Variants in KRT14 observed in about 807,000 individuals in gnomAD.
KRT14 encodes the protein keratin, type I cytoskeletal 14.
In KRT14, 30 loss-of-function variants were observed where a neutral mutation model predicts 44.5. That is an observed-to-expected ratio of 0.67 (90% CI 0.50 to 0.92). KRT14 has a LOEUF of 0.92. KRT14 is among the 40% of genes least tolerant of loss of function. The pLI is 0.00. For missense variants in KRT14, 535 were observed against 640.6 expected, an observed-to-expected ratio of 0.84 and a Z score of 1.78; for synonymous variants, 241 against 257.6, an observed-to-expected ratio of 0.94 and a Z score of 0.62.
At chr17:41,582,736 A>G in intron 7 of KRT14, 1 of 628,392 alleles carries the variant, frequency 1.6e-6, no homozygotes, top group South Asian at 1.8e-5. Context: ...GGTCAGAGAC[A>G]GAGTCTTTGC....
chr17:41,585,084 T>A (rs1327685767), intron 1 of KRT14, 27 bp from the exon 2 acceptor site: 1 of 1,565,502 alleles, frequency 6.4e-7, no homozygotes, highest in Non-Finnish European at 8.8e-7. Context: ...GCACAGGTAA[T>A]TTGTCAAATG....
chr17:41,583,222 G>A lies in KRT14; in HGVS notation c.1274+13C>T. Reference sequence around the variant, plus strand: ...CATGGGGGGGGCGGACTAAGGGGAGGGCCAAGACTCACTGGGCGTCCTCGC... The same window carrying A: ...CATGGGGGGGGCGGACTAAGGGGAGAGCCAAGACTCACTGGGCGTCCTCGC... On this transcript the variant is annotated intron_variant, in intron 6 of 7. Coordinates refer to ENST00000167586, the MANE Select transcript of KRT14 (RefSeq NM_000526.5). 1 of 1,613,346 alleles carries A rather than the reference G, an allele frequency of 6.2e-7. No homozygotes were observed. The highest frequency in any genetic ancestry group is 8.5e-7 in the Non-Finnish European group (1 of 1,179,900).
At position 41,583,685 on chromosome 17, in the gene KRT14, AAG is replaced by A. The variant is rs776040325; in HGVS notation, c.928-11_928-10del. 1.1e-5 allele frequency: 18 copies of A among 1,614,102 alleles called. No individual in the cohort carries two copies. In the African/African-American group the frequency reaches 1.3e-4, roughly 12 times the overall value. On this transcript the variant is annotated splice_polypyrimidine_tract_variant and intron_variant, in intron 4 of 7. Transcript: ENST00000167586. ...CGGTTCAGCTCCTCTGTCTGCAAAAAAGAGAATGCCATTCACACCAGAAGGCC... is the reference window on the plus strand; with the variant it reads ...CGGTTCAGCTCCTCTGTCTGCAAAAAAGAATGCCATTCACACCAGAAGGCC...
intron 2 of KRT14, 51 bp downstream of exon 2, chr17:41,584,924 A>G (rs1434164822): frequency 1.4e-6 from 2 of 1,392,182 alleles, no homozygotes; most frequent in Non-Finnish European, 2.0e-6. Context: ...TGCTCCAAAA[A>G]TGCCCTACTC....
chr17:41,583,687 G>T lies in KRT14; in HGVS notation c.928-11C>A, dbSNP rs376925607. On this transcript the variant is annotated splice_polypyrimidine_tract_variant and intron_variant, in intron 4 of 7. Coordinates refer to ENST00000167586, the MANE Select transcript of KRT14 (RefSeq NM_000526.5). Reference sequence around the variant, plus strand: ...GTTCAGCTCCTCTGTCTGCAAAAAAGAGAATGCCATTCACACCAGAAGGCC... The same window carrying T: ...GTTCAGCTCCTCTGTCTGCAAAAAATAGAATGCCATTCACACCAGAAGGCC... The T allele has an allele frequency of 6.2e-6, 10 of 1,614,096 alleles. No homozygotes were observed. The highest frequency in any genetic ancestry group is 1.1e-5 in the South Asian group (1 of 91,088).
Position 41,582,594 on chromosome 17 carries a change from T to A in KRT14, c.1322-62A>T, listed in dbSNP as rs552560747. ...GGACAGACAATGGACTAATCAGGAG[T>A]AAGGAGGCCAAGAAGGTGAGGAAAC... On this transcript the variant is annotated intron_variant, in intron 7 of 7. Coordinates refer to ENST00000167586, the MANE Select transcript of KRT14 (RefSeq NM_000526.5). The A allele has an allele frequency of 5.8e-5, 78 of 1,354,776 alleles. No individual in the cohort carries two copies. The African/African-American group carries it at 1.0e-3, about 18-fold the overall frequency. The allele number at this position is 1,354,776 out of a possible 1,614,324, so 83.9% of individuals were successfully genotyped here.
Position 41,584,403 on chromosome 17 carries a change from CTG to C in KRT14, c.617_618del (p.Thr206ArgfsTer28). ...TCCACACTCATGCGCAGGTTCAACT[CTG>C]TCTCATACCTGGAATGACCCCAGAG... The part of the protein sequence containing the change: ...AADDFRTKYE[T>X]ELNLRMSVEA... On this transcript the variant is annotated frameshift_variant, in exon 3 of 8. Transcript: ENST00000167586. LOFTEE classifies it high-confidence loss of function. 6.2e-7 allele frequency: 1 copy of C among 1,614,102 alleles called. No individual in the cohort carries two copies. The highest frequency in any genetic ancestry group is 8.5e-7 in the Non-Finnish European group (1 of 1,180,036).
intron 1 of KRT14, 69 bp downstream of exon 1, chr17:41,586,241 G>A (rs1347044751): frequency 7.1e-5 from 113 of 1,593,436 alleles, no homozygotes; most frequent in Non-Finnish European, 8.8e-5. Context: ...AGGTCTCAGG[G>A]GCCTGGGGCA....
rs200418325 is a variant in KRT14, at chr17:41,583,617, G to T, written c.987C>A (p.Ser329Arg). 2 of 1,614,190 alleles carry T rather than the reference G, an allele frequency of 1.2e-6. No homozygotes were observed. Among genetic ancestry groups the T allele is most frequent in the South Asian group, 1.1e-5 (1 of 91,086 alleles). The change falls in exon 5 of 8, where the codon AGC becomes AGA. Residue 329 changes from serine (S) to arginine (R), a missense_variant. By Grantham distance (110) the Ser-to-Arg change is moderately radical (BLOSUM62 -1). Coordinates refer to ENST00000167586, the MANE Select transcript of KRT14 (RefSeq NM_000526.5). ...TNSELVQSGK[S>R]EISELRRTMQ... Reference sequence around the variant, plus strand: ...TGGTGCGCCGGAGCTCCGAGATCTCGCTCTTGCCGCTCTGCACCAGCTCGC... The same window carrying T: ...TGGTGCGCCGGAGCTCCGAGATCTCTCTCTTGCCGCTCTGCACCAGCTCGC...
intron 3 of KRT14, 148 bp from the exon 4 acceptor site, chr17:41,584,069 CTTTTTTTTTTTTTT>C (rs61300844): frequency 3.6e-5 from 11 of 304,764 alleles, no homozygotes; most frequent in Admixed American, 1.1e-4. Flanking sequence ...CTCTCTCTCT[CTTTTTTTTTTTTTT>C]TTTTTTTTTT....
In KRT14 at chr17:41,586,711, C is replaced by T. The variant is rs1250998048; in HGVS notation, c.124G>A (p.Ala42Thr). The change falls in exon 1 of 8, where the codon GCC (alanine) becomes ACC (threonine). Residue 42 changes from alanine to threonine, a missense_variant. Coordinates refer to ENST00000167586, the MANE Select transcript of KRT14 (RefSeq NM_000526.5). ...AGGCCGCCCCCGTAGGTGCTGGGGG[C>T]GCGGCAGGACCCTCCGGCCAGGACG... Reference protein sequence around the residue: ...SSVLAGGSCRAPSTYGGGLSV... With the variant: ...SSVLAGGSCRTPSTYGGGLSV... The T allele has an allele frequency of 3.8e-6, 6 of 1,589,148 alleles. No homozygotes were observed. In the South Asian group the frequency reaches 4.5e-5, roughly 12 times the overall value.
At position 41,583,914 on chromosome 17, in the gene KRT14, T is replaced by A; in HGVS notation, c.773A>T (p.Asn258Ile). 6.2e-7 allele frequency: 1 copy of A among 1,613,788 alleles called. No individual in the cohort carries two copies. The highest frequency in any genetic ancestry group is 8.5e-7 in the Non-Finnish European group (1 of 1,179,832). ...TCCACCCACCTGGCCTCTCAGGGCA[T>A]TCATCTCCTGCACAGCCAGGGACAG... Reference protein sequence around the residue: ...YLKKNHEEEMNALRGQVGGDV... With the variant: ...YLKKNHEEEMIALRGQVGGDV... The change falls in exon 4 of 8, where the codon AAT becomes ATT. Residue 258 changes from asparagine (N) to isoleucine (I), a missense_variant. By Grantham distance (149) the Asn-to-Ile change is moderately radical (BLOSUM62 -3). Coordinates refer to ENST00000167586, the MANE Select transcript of KRT14 (RefSeq NM_000526.5).
chr17:41,583,181 G>T (rs763910781), intron 6 of KRT14, 41 bp from the exon 7 acceptor site: 5 of 1,612,690 alleles, frequency 3.1e-6, no homozygotes, highest in Non-Finnish European at 4.2e-6. Context: ...GATACATGGT[G>T]GGGCCGTGAG....
At position 41,582,525 on chromosome 17, in the gene KRT14, G is replaced by A; in HGVS notation, c.1329C>T (p.Ser443=). ...SGSQSSRDVT[S]SSRQIRTKVM... ...CCTTGGTGCGGATTTGGCGGCTGGA[G>A]GAGGTCACTGGGGAAGAGGTGGGAA... The change falls in exon 8 of 8, where the codon TCC becomes TCT. Residue 443 remains serine, a synonymous_variant. Coordinates refer to ENST00000167586, the MANE Select transcript of KRT14 (RefSeq NM_000526.5). The A allele has an allele frequency of 6.4e-7, 1 of 1,562,940 alleles. No individual in the cohort carries two copies. Among genetic ancestry groups the A allele is most frequent in the Non-Finnish European group, 8.7e-7 (1 of 1,153,368 alleles).
In KRT14 at chr17:41,582,420, C is replaced by T. The variant is rs756220100; in HGVS notation, c.*15G>A. ...ACACGGGGGGCCTCCTAGGCCTGAG[C>T]GGGGCTGGGCAGCCTCAGTTCTTGG... On this transcript the variant is annotated 3_prime_UTR_variant, in exon 8 of 8. Coordinates refer to ENST00000167586, the MANE Select transcript of KRT14 (RefSeq NM_000526.5). 6.3e-5 allele frequency: 97 copies of T among 1,549,750 alleles called. 1 individual carries two copies. Among genetic ancestry groups the T allele is most frequent in the South Asian group, 5.0e-4 (42 of 84,068 alleles).
chr17:41,584,582 G>A lies in KRT14; in HGVS notation c.609-169C>T, dbSNP rs1597799116. The A allele has an allele frequency of 4.3e-6, 3 of 705,012 alleles. No homozygotes were observed. The East Asian group carries it at 8.1e-5, about 19-fold the overall frequency. 43.7% of individuals were successfully genotyped at this position (705,012 alleles called of 1,614,324 possible). A position where few individuals can be genotyped will look rare whatever the true frequency, so the allele number is the denominator to read the frequency against. ...CAGTGCCCATTGATTGCTCAGATAT[G>A]AACATTCCTGCGGGCTGGGGATAAG... On this transcript the variant is annotated intron_variant, in intron 2 of 7. Coordinates refer to ENST00000167586, the MANE Select transcript of KRT14 (RefSeq NM_000526.5).
At position 41,586,459 on chromosome 17, in the gene KRT14, G is replaced by A. The variant is rs764842172; in HGVS notation, c.376C>T (p.Leu126=). ...CGCACCTTGTCCAGGTAGGAGGCCA[G>A]GCGGTCATTGAGGTTCTGCATGGTC... ...KVTMQNLNDR[L]ASYLDKVRAL... Residue 126 remains leucine, a synonymous_variant, in exon 1 of 8, where the codon CTG becomes TTG. Transcript: ENST00000167586. 4 of 1,614,150 alleles carry A rather than the reference G, an allele frequency of 2.5e-6. No homozygotes were observed. The Admixed American group carries it at 5.0e-5, about 20-fold the overall frequency.
chr17:41,584,884 TG>T, intron 2 of KRT14, 90 bp downstream of exon 2: 1 of 947,184 alleles, frequency 1.1e-6, no homozygotes, highest in Non-Finnish European at 1.7e-6. Flanking sequence ...GCACCTATCC[TG>T]GTACTGGCTA....
chr17:41,586,574 T>A lies in KRT14; in HGVS notation c.261A>T (p.Gly87=), dbSNP rs1907536824. The change falls in exon 1 of 8, where the codon GGA becomes GGT. Residue 87 remains glycine (G), a synonymous_variant. Coordinates refer to ENST00000167586, the MANE Select transcript of KRT14 (RefSeq NM_000526.5). ...AGCCAGCACCAAGGCCACCACCATA[T>A]CCTCCCCCAAAGCCACTACCAAAGC... ...SSSFGSGFGG[G]YGGGLGAGLG... 4 of 1,613,492 alleles carry A rather than the reference T, an allele frequency of 2.5e-6. No homozygotes were observed. Among genetic ancestry groups the A allele is most frequent in the Non-Finnish European group, 3.4e-6 (4 of 1,179,808 alleles).
Sources: gnomAD v4.1 joint callset for allele counts on GRCh38, gnomAD v4.1.1 for gene constraint, MANE v1.5 for transcripts, NCBI Gene and HGNC (gene_info 2026-07-23, HGNC 2026-07-21) for gene names.